REEP3: variants seen among roughly 807,000 people sequenced by gnomAD.
REEP3 encodes the protein receptor accessory protein 3, also known as receptor expression-enhancing protein 3.
A neutral mutation model predicts 41.3 loss-of-function variants in REEP3; 20 were observed. That is an observed-to-expected ratio of 0.48 (90% CI 0.34 to 0.70). The LOEUF (loss-of-function observed/expected upper bound fraction) is 0.70, where lower values mean the gene tolerates loss of function less well. REEP3 is among the 30% of genes least tolerant of loss of function. The pLI is 0.01. For missense variants in REEP3, 271 were observed against 308.8 expected (o/e 0.88, Z 0.92); for synonymous variants, 104 against 101.8 (o/e 1.02, Z -0.13).
chr10:63,569,380 C>T (rs1955832747), intron 2 of REEP3, among the ~76,000 whole-genome samples: 2 of 151,932 alleles, frequency 1.3e-5, no homozygotes, highest in South Asian at 2.1e-4. Flanking sequence ...ATTCAAGAAG[C>T]CCGGGATATA....
chr10:63,587,181 G>GA (rs1956015872), intron 2 of REEP3, among the ~76,000 whole-genome samples: 1 of 152,142 alleles, frequency 6.6e-6, no homozygotes, highest in Non-Finnish European at 1.5e-5. Context: ...CTTGCCAAGG[G>GA]ATCACAATAA....
chr10:63,568,851 CAG>C (rs1955827708), intron 2 of REEP3, among the ~76,000 whole-genome samples: 1 of 151,554 alleles, frequency 6.6e-6, no homozygotes, highest in Admixed American at 6.6e-5. Context: ...TTTATAGAGA[CAG>C]AGTCTTACTA....
intron 2 of REEP3, among the ~76,000 whole-genome samples, chr10:63,587,623 A>G (rs1956019904): frequency 6.6e-6 from 1 of 152,196 alleles, no homozygotes; most frequent in Non-Finnish European, 1.5e-5. Context: ...CTCCCCACAC[A>G]ACTATTAATA....
rs1412299858 is a variant in REEP3, at chr10:63,624,361, T to C, written c.*3492T>C. On this transcript the variant is annotated 3_prime_UTR_variant, in exon 8 of 8. Transcript: ENST00000373758. Reference sequence around the variant, plus strand: ...TTTTTGTAGTATGCTACAGATTTAATTATATTAACTCTTTTTTAAGACATT... The same window carrying C: ...TTTTTGTAGTATGCTACAGATTTAACTATATTAACTCTTTTTTAAGACATT... 6.6e-6 allele frequency: 1 copy of C among 152,164 alleles called. No homozygotes were observed. Among genetic ancestry groups the C allele is most frequent in the Non-Finnish European group, 1.5e-5 (1 of 67,984 alleles). The allele number at this position is 152,164 out of a possible 1,614,324, so 9.4% of individuals were successfully genotyped here. A position where few individuals can be genotyped will look rare whatever the true frequency, so the allele number is the denominator to read the frequency against.
At chr10:63,541,949 A>G (rs1343166026) in intron 1 of REEP3, among the ~76,000 whole-genome samples, 1 of 152,200 alleles carries the variant, frequency 6.6e-6, no homozygotes, top group South Asian at 2.1e-4. Flanking sequence ...AAACTTACTA[A>G]TATTTCTATG....
chr10:63,604,265 A>G (rs1956203030), intron 5 of REEP3, among the ~76,000 whole-genome samples: 1 of 152,236 alleles, frequency 6.6e-6, no homozygotes, highest in African/African-American at 2.4e-5. Context: ...GTACAAGTTT[A>G]TTTTGGCTGA....
intron 1 of REEP3, among the ~76,000 whole-genome samples, chr10:63,556,624 T>TG (rs1564477601): frequency 3.7e-4 from 2 of 5,336 alleles, no homozygotes; most frequent in African/African-American, 5.9e-4. Flanking sequence ...GTTTTTTTTT[T>TG]TGTTGTTTTG....
chr10:63,577,262 T>G (rs1466417464), intron 2 of REEP3, among the ~76,000 whole-genome samples: 1 of 152,174 alleles, frequency 6.6e-6, no homozygotes. Context: ...GCTGGAGATT[T>G]GCAAATCCAG....
chr10:63,609,245 G>A (rs965569217), intron 5 of REEP3, among the ~76,000 whole-genome samples: 12 of 151,584 alleles, frequency 7.9e-5, no homozygotes, highest in African/African-American at 2.9e-4. Flanking sequence ...GAGTTCAGGA[G>A]ATCGAGACCA....
chr10:63,575,764 G>C (rs901748697), intron 2 of REEP3, among the ~76,000 whole-genome samples: 2 of 151,862 alleles, frequency 1.3e-5, no homozygotes, highest in African/African-American at 4.8e-5. Flanking sequence ...GCGGTGTTTT[G>C]CTCTTGCTGC....
Position 63,610,266 on chromosome 10 carries a change from G to C in REEP3, c.497G>C (p.Gly166Ala). The change falls in exon 6 of 8, where the codon GGA (glycine) becomes GCA (alanine). Residue 166 changes from glycine to alanine, a missense_variant. Gly to Ala is a moderately conservative substitution (Grantham distance 60). Transcript: ENST00000373758. ...LTTIQGDEPV[G>A]QRPYQPLPEA... ...ACTATCCAAGGTGATGAGCCTGTGG[G>C]ACAAAGACCATACCAACCTCTACCA... 1 of 1,592,848 alleles carries C rather than the reference G, an allele frequency of 6.3e-7. No individual in the cohort carries two copies.
intron 5 of REEP3, among the ~76,000 whole-genome samples, chr10:63,606,906 T>G (rs1277163748): frequency 1.3e-5 from 2 of 152,240 alleles, no homozygotes; most frequent in Admixed American, 6.5e-5. Context: ...CCATGCCTAC[T>G]TATAGCCATA....
chr10:63,562,758 G>A (rs1041284624), intron 1 of REEP3, among the ~76,000 whole-genome samples: 1 of 152,184 alleles, frequency 6.6e-6, no homozygotes, highest in Non-Finnish European at 1.5e-5. Context: ...ATGGAGAGAT[G>A]TAAATATTTG....
At chr10:63,599,113 T>A in intron 4 of REEP3, 57 bp from the exon 5 acceptor site, 1 of 794,246 alleles carries the variant, frequency 1.3e-6, no homozygotes. Context: ...TGTTCTAGTT[T>A]GGGGCTTATT....
At chr10:63,524,089 T>C (rs921283242) in intron 1 of REEP3, among the ~76,000 whole-genome samples, 6 of 152,206 alleles carry the variant, frequency 3.9e-5, no homozygotes, top group Non-Finnish European at 8.8e-5. Flanking sequence ...GGAACTGTTA[T>C]TTTGTGAGCC....
intron 2 of REEP3, among the ~76,000 whole-genome samples, chr10:63,588,177 C>G (rs1237990951): frequency 3.9e-5 from 6 of 152,152 alleles, no homozygotes; most frequent in Non-Finnish European, 7.4e-5. Flanking sequence ...ACCCATGAAC[C>G]CTTCAACTCT....
At chr10:63,523,031 A>G (rs1475885903) in intron 1 of REEP3, among the ~76,000 whole-genome samples, 1 of 152,118 alleles carries the variant, frequency 6.6e-6, no homozygotes, top group Non-Finnish European at 1.5e-5. Flanking sequence ...AAAAAAAAAA[A>G]AAAAAGCCTC....
Position 63,556,636 on chromosome 10 carries a change from T to TTTG in REEP3, c.33-9700_33-9699insGTT, listed in dbSNP as rs1564477666. On this transcript the variant is annotated intron_variant, in intron 1 of 7. Coordinates refer to ENST00000373758, the MANE Select transcript of REEP3 (RefSeq NM_001001330.3). ...CTTGTTTTTTTTTTTGTTGTTTTGT[T>TTTG]TTTTTTTTTTTTTTTTTGAGACGGA... Among the ~76,000 whole-genome samples, 15 of 12,598 alleles carry TTTG rather than the reference T, an allele frequency of 1.2e-3. 1 individual carries two copies. Among genetic ancestry groups the TTTG allele is most frequent in the South Asian group, 6.6e-3 (2 of 304 alleles). 8.3% of individuals were successfully genotyped at this position (12,598 alleles called of 152,430 possible). A position where few individuals can be genotyped will look rare whatever the true frequency, so the allele number is the denominator to read the frequency against.
At chr10:63,580,993 C>G (rs1388204382) in intron 2 of REEP3, among the ~76,000 whole-genome samples, 1 of 152,158 alleles carries the variant, frequency 6.6e-6, no homozygotes, top group Non-Finnish European at 1.5e-5. Flanking sequence ...GCCTGGGGGA[C>G]AGAGTGAGAC....
Sources: gnomAD v4.1 joint callset for allele counts (sites outside exome capture counted in the v4.1 genomes callset) on GRCh38, gnomAD v4.1.1 for gene constraint, MANE v1.5 for transcripts, NCBI Gene and HGNC (gene_info 2026-07-23, HGNC 2026-07-21) for gene names.